Variants in FRMD5 observed in about 807,000 individuals in gnomAD.
FRMD5 encodes the protein FERM domain containing 5, also known as FERM domain-containing protein 5.
In FRMD5, 20 loss-of-function variants were observed where a neutral mutation model predicts 69.0. The observed-to-expected ratio is 0.29, with a 90% CI of 0.20 to 0.42. FRMD5 has a LOEUF of 0.42. Among genes scored for constraint, FRMD5 ranks in the 10% least tolerant of loss-of-function variants. The probability of loss-of-function intolerance (pLI) is 1.00; values close to 1 mark genes in which losing one functional copy is unlikely to be tolerated. For synonymous variants in FRMD5, 271 were observed against 260.1 expected, an observed-to-expected ratio of 1.04 and a Z score of -0.40; for missense variants, 595 against 708.6, an observed-to-expected ratio of 0.84 and a Z score of 1.82.
At chr15:44,123,444 G>A (rs2076983784) in intron 1 of FRMD5, among the ~76,000 whole-genome samples, 1 of 152,056 alleles carries the variant, frequency 6.6e-6, no homozygotes, top group Admixed American at 6.6e-5. Flanking sequence ...TAAACAAGCT[G>A]GAAATCAATA....
rs566567332 is a variant in FRMD5 at position 44,148,137 on chromosome 15, TTC to T, written c.102+46814_102+46815del. On this transcript the variant is annotated intron_variant, in intron 1 of 13. Coordinates refer to ENST00000417257, the MANE Select transcript of FRMD5 (RefSeq NM_032892.5). ...CCTTTTTGTTTCCCTCCCTTAATTT[TTC>T]TCTTTTTCCCCTTTTGGAAGTTGGA... Among the ~76,000 whole-genome samples, 36 of 152,316 alleles carry T rather than the reference TTC, an allele frequency of 2.4e-4. No homozygotes were observed. The South Asian group carries it at 7.5e-3, about 32-fold the overall frequency.
At chr15:43,918,470 C>G (rs575253485) in intron 4 of FRMD5, among the ~76,000 whole-genome samples, 27 of 152,300 alleles carry the variant, frequency 1.8e-4, no homozygotes, top group African/African-American at 6.3e-4. Context: ...TTCCCTCCTC[C>G]TTTTCTGTCT....
At position 43,872,691 on chromosome 15, in the gene FRMD5, A is replaced by AAGGGACCAGGAAAAG. The variant is rs2088192714; in HGVS notation, c.*1193_*1194insCTTTTCCTGGTCCCT. ...TCTGTGTTTTGTAGGCATCTCTTAG[A>AAGGGACCAGGAAAAG]AATCTATTTTAAAAGATTCTTTTCC... On this transcript the variant is annotated 3_prime_UTR_variant, in exon 14 of 14. Transcript: ENST00000417257. The AAGGGACCAGGAAAAG allele has an allele frequency of 6.5e-6, 1 of 154,744 alleles. No homozygotes were observed. The highest frequency in any genetic ancestry group is 2.4e-5 in the African/African-American group (1 of 41,422). The allele number at this position is 154,744 out of a possible 1,614,324, so 9.6% of individuals were successfully genotyped here.
chr15:44,162,293 G>A (rs1428980738), intron 1 of FRMD5, among the ~76,000 whole-genome samples: 2 of 148,394 alleles, frequency 1.3e-5, no homozygotes, highest in East Asian at 4.0e-4. Context: ...AGACAGATCA[G>A]GTCTCACTAT....
chr15:44,104,629 G>C (rs1424018221), intron 1 of FRMD5, among the ~76,000 whole-genome samples: 1 of 152,104 alleles, frequency 6.6e-6, no homozygotes, highest in African/African-American at 2.4e-5. Flanking sequence ...TGTCCCAACT[G>C]CCTATAGTAT....
rs574020070 is a variant in FRMD5, at chr15:44,120,764, G to A, written c.102+74189C>T. Among the ~76,000 whole-genome samples, 520 of 151,628 alleles carry A rather than the reference G, an allele frequency of 3.4e-3. 16 individuals carry two copies. The highest frequency in any genetic ancestry group is 6.2e-4 in the Non-Finnish European group (42 of 67,928). The stretch of plus-strand genomic sequence containing the variant: ...AGGATGGTCTTGATCTCCTGACCTC[G>A]TGATCCGCCCGTCTCAGCCTCCCAA... On this transcript the variant is annotated intron_variant, in intron 1 of 13. Transcript: ENST00000417257.
At chr15:43,993,380 A>C (rs927306529) in intron 1 of FRMD5, among the ~76,000 whole-genome samples, 3 of 152,102 alleles carry the variant, frequency 2.0e-5, no homozygotes, top group Non-Finnish European at 4.4e-5. Context: ...TTTTTAGTAG[A>C]GACAAGGTTT....
intron 1 of FRMD5, among the ~76,000 whole-genome samples, chr15:44,065,393 A>C (rs1893266577): frequency 6.6e-6 from 1 of 152,242 alleles, no homozygotes. Flanking sequence ...TGAAGGAAGG[A>C]AAAATAATGA....
At chr15:44,182,388 G>C (rs1262216737) in intron 1 of FRMD5, among the ~76,000 whole-genome samples, 1 of 147,954 alleles carries the variant, frequency 6.8e-6, no homozygotes, top group Non-Finnish European at 1.5e-5. Context: ...GGAGTGCAGT[G>C]GTGCGGTCTC....
At chr15:44,191,157 C>A (rs2078185957) in intron 1 of FRMD5, among the ~76,000 whole-genome samples, 1 of 152,182 alleles carries the variant, frequency 6.6e-6, no homozygotes, top group African/African-American at 2.4e-5. Flanking sequence ...TAGAGTAGCT[C>A]ACCTTTCAGT....
At chr15:43,885,840 G>T (rs1413679692) in intron 10 of FRMD5, 85 bp from the exon 11 acceptor site, 3 of 1,059,254 alleles carry the variant, frequency 2.8e-6, no homozygotes, top group African/African-American at 1.6e-5. Context: ...TTCTTCCAAA[G>T]GCTACTTGAA....
intron 1 of FRMD5, among the ~76,000 whole-genome samples, chr15:43,986,692 A>G (rs1889409540): frequency 6.7e-6 from 1 of 148,822 alleles, no homozygotes; most frequent in Admixed American, 6.8e-5. Flanking sequence ...GACAAAAAGG[A>G]GGCAAGTACT....
chr15:43,987,837 C>A (rs1300140668), intron 1 of FRMD5, among the ~76,000 whole-genome samples: 1 of 152,184 alleles, frequency 6.6e-6, no homozygotes. Flanking sequence ...AGGTGTGAAC[C>A]ACCATGCCCA....
rs141218042 is a variant in FRMD5, at chr15:43,903,782, G to A, written c.552-1520C>T. 6.6e-5 allele frequency among the ~76,000 whole-genome samples: 10 copies of A among 152,238 alleles called. No individual in the cohort carries two copies. In the South Asian group the frequency reaches 1.2e-3, roughly 19 times the overall value. ...CCCAAACCTCCAGGGTCCTCAAAGC[G>A]GGCATCATTTCCTGGGGGATCCCCT... On this transcript the variant is annotated intron_variant, in intron 6 of 13. Transcript: ENST00000417257.
chr15:43,903,734 G>A (rs985458564), intron 6 of FRMD5, among the ~76,000 whole-genome samples: 11 of 152,154 alleles, frequency 7.2e-5, no homozygotes, highest in Admixed American at 2.6e-4. Flanking sequence ...GGCCCTGTGG[G>A]CTCCATTTAC....
At chr15:44,061,000 G>GT (rs1313175726) in intron 1 of FRMD5, among the ~76,000 whole-genome samples, 1 of 152,156 alleles carries the variant, frequency 6.6e-6, no homozygotes, top group African/African-American at 2.4e-5. Context: ...CTTTCAAACT[G>GT]TAACACTCTT....
chr15:43,972,597 T>G (rs1028382180), intron 1 of FRMD5, among the ~76,000 whole-genome samples: 1 of 152,220 alleles, frequency 6.6e-6, no homozygotes, highest in African/African-American at 2.4e-5. Context: ...ACTGCAGCAC[T>G]GGCTGGATTT....
At chr15:43,953,348 G>A (rs573561058) in intron 1 of FRMD5, among the ~76,000 whole-genome samples, 1 of 152,186 alleles carries the variant, frequency 6.6e-6, no homozygotes, top group Non-Finnish European at 1.5e-5. Flanking sequence ...TTCTCTGGTA[G>A]CATCCCCATC....
At chr15:44,181,532 T>G (rs1288587213) in intron 1 of FRMD5, among the ~76,000 whole-genome samples, 1 of 152,138 alleles carries the variant, frequency 6.6e-6, no homozygotes, top group Non-Finnish European at 1.5e-5. Context: ...AATTCACCAT[T>G]TTATAGTATA....
Sources: allele counts gnomAD v4.1 joint callset (sites outside exome capture counted in the v4.1 genomes callset), GRCh38; gene constraint gnomAD v4.1.1; transcripts MANE v1.5; gene names NCBI Gene and HGNC (gene_info 2026-07-23, HGNC 2026-07-21).